Variants in UGGT2 observed in about 807,000 individuals in gnomAD.
The protein encoded by UGGT2 is UDP-glucose glycoprotein glucosyltransferase 2, also known as UDP-glucose:glycoprotein glucosyltransferase 2.
A neutral mutation model predicts 192.1 loss-of-function variants in UGGT2; 180 were observed. That is an observed-to-expected ratio of 0.94 (90% confidence interval 0.83 to 1.06). The LOEUF is 1.06. Among genes scored for constraint, UGGT2 ranks in the 50% least tolerant of loss-of-function variants. The pLI is 0.00. For missense variants in UGGT2, 1,849 were observed against 1,795.7 expected, an observed-to-expected ratio of 1.03 and a Z score of -0.54; for synonymous variants, 580 against 591.0, an observed-to-expected ratio of 0.98 and a Z score of 0.27.
chr13:95,937,680 A>C (rs1025130417), intron 16 of UGGT2, among the ~76,000 whole-genome samples: 2 of 152,170 alleles, frequency 1.3e-5, no homozygotes, highest in Non-Finnish European at 2.9e-5. Flanking sequence ...AGAAGCACCT[A>C]ATCAAGCTGG....
chr13:95,965,439 T>C (rs1328306563), intron 12 of UGGT2, among the ~76,000 whole-genome samples: 6 of 151,834 alleles, frequency 4.0e-5, no homozygotes, highest in South Asian at 2.1e-4. Flanking sequence ...ATGTCCTTTG[T>C]AGGGACATGG....
intron 20 of UGGT2, among the ~76,000 whole-genome samples, chr13:95,907,951 G>A (rs2048346134): frequency 6.6e-6 from 1 of 152,140 alleles, no homozygotes; most frequent in African/African-American, 2.4e-5. Context: ...AAACTTCTCT[G>A]AGCTAAAGAA....
At chr13:95,859,705 C>T (rs775048924) in intron 32 of UGGT2, 30 bp from the exon 33 acceptor site, 28 of 1,481,708 alleles carry the variant, frequency 1.9e-5, no homozygotes, top group Non-Finnish European at 2.5e-5. Context: ...ACCCAATATA[C>T]ATTAACAGTA....
intron 2 of UGGT2, among the ~76,000 whole-genome samples, chr13:96,026,522 C>T (rs2052668869): frequency 6.6e-6 from 1 of 151,832 alleles, no homozygotes; most frequent in Non-Finnish European, 1.5e-5. Context: ...TCCTGGCATA[C>T]AAAATAGACA....
chr13:95,918,903 G>A (rs554541801), intron 20 of UGGT2, among the ~76,000 whole-genome samples: 1 of 152,084 alleles, frequency 6.6e-6, no homozygotes, highest in East Asian at 1.9e-4. Context: ...CCAAAACCTG[G>A]CAGAAATACA....
At chr13:95,906,057 A>G (rs1386012621) in intron 20 of UGGT2, among the ~76,000 whole-genome samples, 1 of 152,154 alleles carries the variant, frequency 6.6e-6, no homozygotes, top group Non-Finnish European at 1.5e-5. Flanking sequence ...GTTTTCAATT[A>G]CGTAGTTTTA....
chr13:95,927,471 T>A (rs1012534617), intron 17 of UGGT2, 135 bp from the exon 18 acceptor site: 181 of 59,792 alleles, frequency 3.0e-3, no homozygotes, highest in Non-Finnish European at 5.7e-3. Flanking sequence ...ATTTTCTTTC[T>A]TTTTTTTTTT....
chr13:96,049,383 GC>G (rs2053418518), intron 1 of UGGT2, among the ~76,000 whole-genome samples: 1 of 152,138 alleles, frequency 6.6e-6, no homozygotes, highest in Admixed American at 6.5e-5. Flanking sequence ...TACTGAATGG[GC>G]AAAATCTGGA....
intron 38 of UGGT2, among the ~76,000 whole-genome samples, chr13:95,825,030 CTA>C (rs1055377482): frequency 1.8e-4 from 28 of 152,170 alleles, no homozygotes; most frequent in Admixed American, 3.9e-4. Flanking sequence ...AGTGAAGACT[CTA>C]TGAATTCCTT....
intron 15 of UGGT2, among the ~76,000 whole-genome samples, chr13:95,944,829 T>C (rs756008891): frequency 1.3e-5 from 2 of 151,978 alleles, no homozygotes; most frequent in African/African-American, 2.4e-5. Flanking sequence ...TAATCTTAAG[T>C]GTATTGTTAA....
At chr13:96,038,671 A>C (rs560392694) in intron 1 of UGGT2, among the ~76,000 whole-genome samples, 1 of 152,244 alleles carries the variant, frequency 6.6e-6, no homozygotes, top group Non-Finnish European at 1.5e-5. Flanking sequence ...TCAAGGTTTG[A>C]GCAGAGTTAA....
At chr13:96,045,410 C>T (rs887447416) in intron 1 of UGGT2, among the ~76,000 whole-genome samples, 1 of 152,160 alleles carries the variant, frequency 6.6e-6, no homozygotes, top group Admixed American at 6.6e-5. Flanking sequence ...AAAGCATTCC[C>T]TCTGAGAACT....
At chr13:95,920,685 A>G (rs1449568673) in intron 20 of UGGT2, among the ~76,000 whole-genome samples, 1 of 152,228 alleles carries the variant, frequency 6.6e-6, no homozygotes, top group Admixed American at 6.5e-5. Flanking sequence ...AAAAGTCGTA[A>G]AAGAACAGAT....
chr13:95,965,970 G>A (rs2050566895), intron 12 of UGGT2, among the ~76,000 whole-genome samples: 1 of 151,992 alleles, frequency 6.6e-6, no homozygotes, highest in Admixed American at 6.6e-5. Context: ...TAACCACAAT[G>A]GAAAACACTA....
chr13:96,030,299 G>GTGTACATCACTGC (rs2052795518), intron 2 of UGGT2, among the ~76,000 whole-genome samples: 1 of 152,150 alleles, frequency 6.6e-6, no homozygotes, highest in Non-Finnish European at 1.5e-5. Flanking sequence ...TCGCCTAATA[G>GTGTACATCACTGC]TGTACATCAC....
intron 24 of UGGT2, among the ~76,000 whole-genome samples, chr13:95,891,800 C>A (rs2047808524): frequency 6.6e-6 from 1 of 152,074 alleles, no homozygotes; most frequent in Non-Finnish European, 1.5e-5. Flanking sequence ...ATATTAGTTT[C>A]TTTGGTAGGA....
intron 1 of UGGT2, among the ~76,000 whole-genome samples, chr13:96,047,422 G>A (rs1005082450): frequency 3.3e-5 from 5 of 152,294 alleles, no homozygotes; most frequent in East Asian, 3.9e-4. Context: ...ACTGTTAGAA[G>A]TAAAACTAAC....
chr13:95,847,408 A>G (rs1888580926), intron 36 of UGGT2, among the ~76,000 whole-genome samples: 1 of 152,164 alleles, frequency 6.6e-6, no homozygotes. Flanking sequence ...CTACCACTAC[A>G]TATTTTCCCT....
intron 38 of UGGT2, among the ~76,000 whole-genome samples, chr13:95,822,508 C>T (rs1221786986): frequency 1.3e-5 from 2 of 152,030 alleles, no homozygotes; most frequent in East Asian, 3.9e-4. Flanking sequence ...TTGACTTCCT[C>T]TTTTCCACTT....
Sources: allele counts gnomAD v4.1 joint callset (sites outside exome capture counted in the v4.1 genomes callset), GRCh38; gene constraint gnomAD v4.1.1; transcripts MANE v1.5; gene names NCBI Gene and HGNC (gene_info 2026-07-23, HGNC 2026-07-21).